CREB3L2: variants seen among roughly 807,000 people sequenced by gnomAD.
CREB3L2 encodes cAMP responsive element binding protein 3 like 2.
In CREB3L2, 23 loss-of-function variants were observed where a neutral mutation model predicts 57.2. That is an observed-to-expected ratio of 0.40 (90% CI 0.29 to 0.57). The LOEUF (loss-of-function observed/expected upper bound fraction) is 0.57. Among genes scored for constraint, CREB3L2 ranks in the 20% least tolerant of loss-of-function variants. The pLI, the probability that CREB3L2 is intolerant of heterozygous loss-of-function variation, is 0.42. For missense variants in CREB3L2, 628 were observed against 634.7 expected (o/e 0.99, Z 0.11); for synonymous variants, 268 against 265.1 (o/e 1.01, Z -0.11).
rs1234165113 is a variant in CREB3L2, at chr7:137,940,731, G to A, written c.103-12365C>T. On this transcript the variant is annotated intron_variant, in intron 1 of 11. Coordinates refer to ENST00000330387, the MANE Select transcript of CREB3L2 (RefSeq NM_194071.4). ...CATCAGGTATGAAACACTAACGGGC[G>A]ATGAAGTTTGTGGGAAAAAATGAAC... Among the ~76,000 whole-genome samples, 6 of 152,200 alleles carry A rather than the reference G, an allele frequency of 3.9e-5. No individual in the cohort carries two copies. The East Asian group carries it at 5.8e-4, about 15-fold the overall frequency.
At chr7:137,911,980 G>A (rs1189219182) in intron 4 of CREB3L2, among the ~76,000 whole-genome samples, 1 of 152,204 alleles carries the variant, frequency 6.6e-6, no homozygotes, top group East Asian at 1.9e-4. Flanking sequence ...ACCTCATGAG[G>A]CTCAGGGGTC....
chr7:137,891,636 C>T (rs1480837121), intron 8 of CREB3L2, among the ~76,000 whole-genome samples: 3 of 151,790 alleles, frequency 2.0e-5, no homozygotes, highest in Admixed American at 6.6e-5. Context: ...AGTGCAGTGG[C>T]GTGATCCAGG....
chr7:137,990,814 C>T (rs1381288308), intron 1 of CREB3L2, among the ~76,000 whole-genome samples: 3 of 152,134 alleles, frequency 2.0e-5, no homozygotes, highest in Non-Finnish European at 4.4e-5. Flanking sequence ...TCCCTTTAAA[C>T]AAAAACTATT....
At chr7:138,000,880 G>A (rs1055723972) in intron 1 of CREB3L2, among the ~76,000 whole-genome samples, 2 of 152,124 alleles carry the variant, frequency 1.3e-5, no homozygotes, top group African/African-American at 4.8e-5. Context: ...AGAGATCTCT[G>A]AGGCATTAGT....
chr7:137,995,328 T>C (rs201012420), intron 1 of CREB3L2, among the ~76,000 whole-genome samples: 1 of 70,488 alleles, frequency 1.4e-5, no homozygotes, highest in Non-Finnish European at 2.7e-5. Flanking sequence ...TTTTTTCTTT[T>C]CTTTCTTTTT....
chr7:137,935,232 C>T (rs1291591722), intron 1 of CREB3L2, among the ~76,000 whole-genome samples: 1 of 152,228 alleles, frequency 6.6e-6, no homozygotes, highest in Non-Finnish European at 1.5e-5. Context: ...GCACGTAATA[C>T]ACCTAACACT....
At chr7:137,881,158 A>G (rs1799282521) in intron 11 of CREB3L2, among the ~76,000 whole-genome samples, 1 of 152,170 alleles carries the variant, frequency 6.6e-6, no homozygotes. Context: ...GAGCCAAGTA[A>G]GAAGGCACTG....
intron 1 of CREB3L2, among the ~76,000 whole-genome samples, chr7:137,993,507 T>C (rs1019775611): frequency 4.6e-5 from 7 of 152,194 alleles, no homozygotes; most frequent in African/African-American, 1.4e-4. Flanking sequence ...CAGAGTTTAT[T>C]TGTTTGTTTG....
chr7:137,890,807 C>T lies in CREB3L2; in HGVS notation c.1044-5305G>A, dbSNP rs75661989. ...CCTGCAGCAATGGGAGCTTGGATGA[C>T]AGCCCCCACCCTACTTGCATGAAGG... On this transcript the variant is annotated intron_variant, in intron 8 of 11. Coordinates refer to ENST00000330387, the MANE Select transcript of CREB3L2 (RefSeq NM_194071.4). Among the ~76,000 whole-genome samples, 1,476 of 152,324 alleles carry T rather than the reference C, an allele frequency of 9.7e-3. 29 individuals carry two copies. The highest frequency in any genetic ancestry group is 0.033 in the African/African-American group (1,385 of 41,554).
rs1222842274 is a variant in CREB3L2 at position 137,882,397 on chromosome 7, G to A, written c.1487+15C>T. The A allele has an allele frequency of 1.2e-6, 2 of 1,600,698 alleles. No individual in the cohort carries two copies. Among genetic ancestry groups the A allele is most frequent in the Non-Finnish European group, 1.7e-6 (2 of 1,169,784 alleles). The stretch of plus-strand genomic sequence containing the variant: ...AGTGCACTAGAGGAGTTGGCTCTGT[G>A]TCTCTATGACTCACAGGTGCTGCTG... On this transcript the variant is annotated intron_variant, in intron 11 of 11. Transcript: ENST00000330387.
chr7:137,903,700 G>T (rs890472633), intron 7 of CREB3L2, among the ~76,000 whole-genome samples: 1 of 152,222 alleles, frequency 6.6e-6, no homozygotes, highest in Non-Finnish European at 1.5e-5. Flanking sequence ...TTGAAAAGAA[G>T]TCTGTGAGGA....
intron 1 of CREB3L2, among the ~76,000 whole-genome samples, chr7:137,990,931 G>A (rs1801882781): frequency 6.6e-6 from 1 of 152,030 alleles, no homozygotes; most frequent in African/African-American, 2.4e-5. Context: ...ATTTGCCAAG[G>A]AGTCTGAAGG....
At position 137,876,950 on chromosome 7, in the gene CREB3L2, A is replaced by C. The variant is rs928490724; in HGVS notation, c.*3526T>G. 1 of 231,838 alleles carries C rather than the reference A, an allele frequency of 4.3e-6. No homozygotes were observed. The highest frequency in any genetic ancestry group is 2.2e-5 in the African/African-American group (1 of 45,300). 14.4% of individuals were successfully genotyped at this position (231,838 alleles called of 1,614,324 possible). A position where few individuals can be genotyped will look rare whatever the true frequency, so the allele number is the denominator to read the frequency against. On this transcript the variant is annotated 3_prime_UTR_variant, in exon 12 of 12. Transcript: ENST00000330387. Reference sequence around the variant, plus strand: ...TGTGCTCAAATTCACACCTTGTATGACATGTGGGCAGAGGAGCTGGCCTGG... The same window carrying C: ...TGTGCTCAAATTCACACCTTGTATGCCATGTGGGCAGAGGAGCTGGCCTGG...
At position 137,879,343 on chromosome 7, in the gene CREB3L2, G is replaced by A. The variant is rs926449544; in HGVS notation, c.*1133C>T. ...GAGGAGGACAAAGTGGAAGTGTGGA[G>A]GGAGGAGGGGGCCAGGCAGGTGTGG... On this transcript the variant is annotated 3_prime_UTR_variant, in exon 12 of 12. Transcript: ENST00000330387. 30 of 508,954 alleles carry A rather than the reference G, an allele frequency of 5.9e-5. No individual in the cohort carries two copies. Among genetic ancestry groups the A allele is most frequent in the African/African-American group, 5.2e-4 (27 of 52,388 alleles). The allele number at this position is 508,954 out of a possible 1,614,324, so 31.5% of individuals were successfully genotyped here. A position where few individuals can be genotyped will look rare whatever the true frequency, so the allele number is the denominator to read the frequency against.
At chr7:137,953,805 C>T (rs1003308292) in intron 1 of CREB3L2, among the ~76,000 whole-genome samples, 5 of 152,180 alleles carry the variant, frequency 3.3e-5, no homozygotes, top group Non-Finnish European at 7.4e-5. Context: ...GCTAGATAAC[C>T]AAGAGAAAAA....
At chr7:137,958,777 C>T (rs1265828493) in intron 1 of CREB3L2, among the ~76,000 whole-genome samples, 2 of 152,164 alleles carry the variant, frequency 1.3e-5, no homozygotes, top group Non-Finnish European at 2.9e-5. Context: ...AGTGAGGTCA[C>T]CAGCTAACAC....
At chr7:137,901,806 G>C (rs762262237) in intron 7 of CREB3L2, among the ~76,000 whole-genome samples, 4 of 138,440 alleles carry the variant, frequency 2.9e-5, no homozygotes, top group African/African-American at 5.2e-5. Flanking sequence ...TTGAACCCAG[G>C]AGTCAGATGT....
chr7:137,885,210 TCTC>T (rs1799389212), intron 9 of CREB3L2, 89 bp from the exon 10 acceptor site: 1 of 1,475,950 alleles, frequency 6.8e-7, no homozygotes, highest in African/African-American at 1.4e-5. Flanking sequence ...GGACACAGAC[TCTC>T]CTCTTCAGGC....
At chr7:137,975,392 C>G (rs1296718924) in intron 1 of CREB3L2, among the ~76,000 whole-genome samples, 1 of 152,188 alleles carries the variant, frequency 6.6e-6, no homozygotes, top group African/African-American at 2.4e-5. Flanking sequence ...CCTCTGCAAT[C>G]AGTTGGCTGC....
Sources: gnomAD v4.1 joint callset for allele counts (sites outside exome capture counted in the v4.1 genomes callset) on GRCh38, gnomAD v4.1.1 for gene constraint, MANE v1.5 for transcripts, NCBI Gene and HGNC (gene_info 2026-07-23, HGNC 2026-07-21) for gene names.